The following WFDC8 variants were observed in gnomAD, a reference collection of about 807,000 sequenced individuals.
WFDC8 encodes WAP four-disulfide core domain 8, also known as WAP four-disulfide core domain protein 8.
Under a neutral mutation model 27.0 loss-of-function variants are expected in WFDC8, and 24 were observed. The ratio of observed to expected loss-of-function variants is 0.89; its 90% CI spans 0.64 to 1.25. The LOEUF is 1.25. WFDC8 is among the 50% of genes most tolerant of loss of function. The pLI is 0.00. For synonymous variants in WFDC8, 106 were observed against 99.7 expected (o/e 1.06, Z -0.38); for missense variants, 287 against 295.9 (o/e 0.97, Z 0.22).
chr20:45,565,896 C>A (rs1389888391), intron 1 of WFDC8, among the ~76,000 whole-genome samples: 1 of 152,008 alleles, frequency 6.6e-6, no homozygotes, highest in Non-Finnish European at 1.5e-5. Context: ...AAATCTGTGC[C>A]ATCAAGTTTT....
At chr20:45,562,489 G>C (rs1014361297) in intron 1 of WFDC8, among the ~76,000 whole-genome samples, 2 of 152,138 alleles carry the variant, frequency 1.3e-5, no homozygotes, top group Admixed American at 1.3e-4. Flanking sequence ...TCTTGTTCCT[G>C]GGTAAAAGGC....
intron 1 of WFDC8, among the ~76,000 whole-genome samples, chr20:45,564,664 G>T (rs1368196088): frequency 7.4e-6 from 1 of 135,428 alleles, no homozygotes; most frequent in Non-Finnish European, 1.6e-5. Flanking sequence ...AATAGAGAGA[G>T]ACTCTGTCTC....
At chr20:45,567,287 A>G (rs920529357) in intron 1 of WFDC8, among the ~76,000 whole-genome samples, 1 of 152,190 alleles carries the variant, frequency 6.6e-6, no homozygotes, top group African/African-American at 2.4e-5. Context: ...ATGAGGGTAA[A>G]TACATAAATA....
At chr20:45,575,223 C>T (rs1159669351) in intron 1 of WFDC8, among the ~76,000 whole-genome samples, 2 of 152,088 alleles carry the variant, frequency 1.3e-5, no homozygotes, top group African/African-American at 4.8e-5. Flanking sequence ...AAGAAAGCGA[C>T]GAAATTGCCT....
chr20:45,564,543 G>A (rs1030004937), intron 1 of WFDC8, among the ~76,000 whole-genome samples: 1 of 151,986 alleles, frequency 6.6e-6, no homozygotes, highest in African/African-American at 2.4e-5. Context: ...GCGTGGTGGC[G>A]GGTGCCTGTA....
chr20:45,563,366 A>C (rs976501812), intron 1 of WFDC8, among the ~76,000 whole-genome samples: 1 of 152,216 alleles, frequency 6.6e-6, no homozygotes, highest in Non-Finnish European at 1.5e-5. Context: ...TAGCATGAAG[A>C]TTTAATGAAG....
chr20:45,565,524 TA>T (rs1322846497), intron 1 of WFDC8, among the ~76,000 whole-genome samples: 137 of 142,444 alleles, frequency 9.6e-4, no homozygotes, highest in African/African-American at 1.9e-3. Context: ...AATTTTTTTT[TA>T]AAAAAAGCAT....
chr20:45,560,851 T>C (rs959843375), intron 2 of WFDC8, among the ~76,000 whole-genome samples: 1 of 152,192 alleles, frequency 6.6e-6, no homozygotes, highest in Non-Finnish European at 1.5e-5. Flanking sequence ...TACATCAAAA[T>C]CATCTATGCA....
At chr20:45,577,868 G>A (rs1238057996) in intron 1 of WFDC8, among the ~76,000 whole-genome samples, 3 of 149,322 alleles carry the variant, frequency 2.0e-5, no homozygotes, top group Non-Finnish European at 3.0e-5. Flanking sequence ...TTAGCCTGGA[G>A]TGGTGGTGCA....
chr20:45,555,664 A>C, intron 4 of WFDC8, 37 bp downstream of exon 4: 5 of 1,606,036 alleles, frequency 3.1e-6, no homozygotes, highest in Non-Finnish European at 4.3e-6. Flanking sequence ...ATTTCTAGTT[A>C]AACTAGACCC....
chr20:45,553,285 A>T lies in WFDC8; in HGVS notation c.446-9T>A. 2 of 1,611,182 alleles carry T rather than the reference A, an allele frequency of 1.2e-6. No individual in the cohort carries two copies. The highest frequency in any genetic ancestry group is 2.2e-5 in the South Asian group (2 of 90,642). On this transcript the variant is annotated splice_polypyrimidine_tract_variant and intron_variant, in intron 4 of 5. Transcript: ENST00000289953. ...GCATTGTCCATCCTTAACTAAAATA[A>T]GAGCAGATGTGAGCTTCTTAAAACC...
chr20:45,574,221 T>C (rs916094620), intron 1 of WFDC8, among the ~76,000 whole-genome samples: 6 of 152,154 alleles, frequency 3.9e-5, no homozygotes, highest in Non-Finnish European at 8.8e-5. Flanking sequence ...TAATTAAAAG[T>C]CTCTTATCGA....
downstream of WFDC8, chr20:45,551,279 A>G (rs2145558303): frequency 6.6e-6 from 1 of 152,280 alleles, no homozygotes; most frequent in South Asian, 2.1e-4. Flanking sequence ...GTATTTGATA[A>G]AATTCAGTAG....
intron 3 of WFDC8, among the ~76,000 whole-genome samples, chr20:45,557,788 G>A (rs62205623): frequency 0.33 from 50,534 of 152,020 alleles, 9,290 homozygotes; most frequent in Non-Finnish European, 0.42. Flanking sequence ...GTCCAAAACC[G>A]CAATTACTTT....
At chr20:45,568,612 A>G in intron 1 of WFDC8, 1 of 530,360 alleles carries the variant, frequency 1.9e-6, no homozygotes, top group Non-Finnish European at 3.8e-6. Context: ...ATATTCCTGA[A>G]TTCAGTGCGG....
intron 1 of WFDC8, among the ~76,000 whole-genome samples, chr20:45,577,769 G>A (rs1245128241): frequency 3.4e-5 from 5 of 149,230 alleles, no homozygotes; most frequent in African/African-American, 1.2e-4. Flanking sequence ...CACTTTGGGA[G>A]GCTGAGGCAG....
At chr20:45,559,529 C>A (rs913228920) in intron 2 of WFDC8, among the ~76,000 whole-genome samples, 128 of 152,236 alleles carry the variant, frequency 8.4e-4, no homozygotes, top group African/African-American at 3.0e-3. Context: ...AGCCTGGCTC[C>A]AACACTAACC....
chr20:45,551,854 C>A lies in WFDC8; in HGVS notation c.*172G>T. The A allele has an allele frequency of 2.7e-5, 22 of 801,588 alleles. No homozygotes were observed. Among genetic ancestry groups the A allele is most frequent in the East Asian group, 1.2e-4 (4 of 33,794 alleles). 49.7% of individuals were successfully genotyped at this position (801,588 alleles called of 1,614,324 possible). The stretch of plus-strand genomic sequence containing the variant: ...TAAAGTCATGAAGTTGAAAAAAAGC[C>A]AAATATATCATCACTTTCAGATGAT... On this transcript the variant is annotated 3_prime_UTR_variant, in exon 6 of 6. Transcript: ENST00000289953.
At chr20:45,565,604 C>G (rs1980649947) in intron 1 of WFDC8, among the ~76,000 whole-genome samples, 1 of 152,022 alleles carries the variant, frequency 6.6e-6, no homozygotes, top group East Asian at 1.9e-4. Flanking sequence ...AGGAACAATT[C>G]AAGAATGCAT....
Sources: gnomAD v4.1 joint callset for allele counts (sites outside exome capture counted in the v4.1 genomes callset) on GRCh38, gnomAD v4.1.1 for gene constraint, MANE v1.5 for transcripts, NCBI Gene and HGNC (gene_info 2026-07-23, HGNC 2026-07-21) for gene names.